KCTD8: variants seen among roughly 807,000 people sequenced by gnomAD.
The protein encoded by KCTD8 is potassium channel tetramerization domain containing 8, also known as BTB/POZ domain-containing protein KCTD8.
KCTD8 carries 27 observed loss-of-function variants against 31.5 expected under a neutral mutation model. That is an observed-to-expected ratio of 0.86 (90% CI 0.63 to 1.18). The LOEUF (loss-of-function observed/expected upper bound fraction) is 1.18. KCTD8 is among the 50% of genes most tolerant of loss of function. The pLI is 0.00. For missense variants in KCTD8, 658 were observed against 647.7 expected (o/e 1.02, Z -0.17); for synonymous variants, 290 against 280.0 (o/e 1.04, Z -0.36).
intron 1 of KCTD8, among the ~76,000 whole-genome samples, chr4:44,323,498 C>CAA (rs1718354858): frequency 1.1e-5 from 1 of 88,468 alleles, no homozygotes; most frequent in African/African-American, 3.7e-5. Flanking sequence ...CCATCCCCAC[C>CAA]CACCCCCCCC....
At chr4:44,315,488 G>A (rs998156384) in intron 1 of KCTD8, among the ~76,000 whole-genome samples, 11 of 152,064 alleles carry the variant, frequency 7.2e-5, no homozygotes, top group African/African-American at 2.7e-4. Context: ...GTAAGAACAA[G>A]CCATTGAAAA....
intron 1 of KCTD8, among the ~76,000 whole-genome samples, chr4:44,200,887 T>C (rs1027334719): frequency 5.4e-5 from 8 of 149,472 alleles, no homozygotes; most frequent in Non-Finnish European, 1.0e-4. Context: ...TTGCTGATGA[T>C]ATGATCTATA....
At chr4:44,260,407 GAAC>G (rs932182314) in intron 1 of KCTD8, among the ~76,000 whole-genome samples, 5 of 151,654 alleles carry the variant, frequency 3.3e-5, no homozygotes, top group Non-Finnish European at 5.9e-5. Flanking sequence ...AAAAAGTTGA[GAAC>G]AACAAAATAA....
At chr4:44,230,022 A>G (rs913955324) in intron 1 of KCTD8, among the ~76,000 whole-genome samples, 3 of 151,452 alleles carry the variant, frequency 2.0e-5, no homozygotes, top group Non-Finnish European at 4.4e-5. Context: ...CCCTGTGTCC[A>G]TGTGTTCTAA....
At chr4:44,379,162 A>G (rs1395979415) in intron 1 of KCTD8, among the ~76,000 whole-genome samples, 1 of 152,138 alleles carries the variant, frequency 6.6e-6, no homozygotes. Context: ...TTGCCATATG[A>G]AGTAACATAC....
At chr4:44,261,500 A>G in intron 1 of KCTD8, among the ~76,000 whole-genome samples, 1 of 151,978 alleles carries the variant, frequency 6.6e-6, no homozygotes, top group Non-Finnish European at 1.5e-5. Context: ...ATATAGTACT[A>G]CTAACTATAG....
At chr4:44,335,137 G>T (rs956260515) in intron 1 of KCTD8, among the ~76,000 whole-genome samples, 2 of 151,998 alleles carry the variant, frequency 1.3e-5, no homozygotes, top group African/African-American at 4.8e-5. Flanking sequence ...CAGATGTAAA[G>T]AATATTTAGA....
At chr4:44,302,727 T>A (rs1306684940) in intron 1 of KCTD8, among the ~76,000 whole-genome samples, 2 of 151,984 alleles carry the variant, frequency 1.3e-5, no homozygotes, top group Non-Finnish European at 2.9e-5. Context: ...TTCTGCCTAA[T>A]TGCCCTGGCC....
intron 1 of KCTD8, among the ~76,000 whole-genome samples, chr4:44,406,038 A>G (rs111630583): frequency 9.7e-4 from 148 of 152,250 alleles, no homozygotes; most frequent in African/African-American, 3.3e-3. Flanking sequence ...TAATAGAAAA[A>G]TGTAAAATGT....
intron 1 of KCTD8, among the ~76,000 whole-genome samples, chr4:44,207,135 G>A (rs1165152529): frequency 6.6e-6 from 1 of 152,082 alleles, no homozygotes; most frequent in Non-Finnish European, 1.5e-5. Context: ...CTCTCCATAC[G>A]TTGGATTCCT....
chr4:44,263,496 G>C (rs1379184561), intron 1 of KCTD8, among the ~76,000 whole-genome samples: 3 of 152,100 alleles, frequency 2.0e-5, no homozygotes, highest in African/African-American at 7.2e-5. Context: ...CACTGCATTT[G>C]TATTGTCTAC....
chr4:44,323,544 G>T (rs1250421375), intron 1 of KCTD8, among the ~76,000 whole-genome samples: 2 of 129,672 alleles, frequency 1.5e-5, no homozygotes, highest in East Asian at 4.5e-4. Flanking sequence ...ATAGTGTTCA[G>T]GGTAAATAGT....
At chr4:44,246,088 T>C (rs1416418592) in intron 1 of KCTD8, among the ~76,000 whole-genome samples, 1 of 152,076 alleles carries the variant, frequency 6.6e-6, no homozygotes, top group Admixed American at 6.5e-5. Flanking sequence ...GATTCCAATA[T>C]GTAAAGATGT....
chr4:44,340,447 C>T (rs35651653), intron 1 of KCTD8, among the ~76,000 whole-genome samples: 9,014 of 151,184 alleles, frequency 0.06, 429 homozygotes, highest in Admixed American at 0.15. Context: ...TACAGGTGCC[C>T]GCCACCATGC....
chr4:44,389,382 T>C (rs1720310874), intron 1 of KCTD8, among the ~76,000 whole-genome samples: 1 of 151,836 alleles, frequency 6.6e-6, no homozygotes, highest in African/African-American at 2.4e-5. Context: ...TCAAAATATC[T>C]TATGTACATC....
chr4:44,233,374 T>A (rs1159425753), intron 1 of KCTD8, among the ~76,000 whole-genome samples: 1 of 152,214 alleles, frequency 6.6e-6, no homozygotes, highest in Non-Finnish European at 1.5e-5. Context: ...TCTGTGAATC[T>A]AATAATCACA....
chr4:44,388,408 T>C (rs896105886), intron 1 of KCTD8, among the ~76,000 whole-genome samples: 3 of 151,954 alleles, frequency 2.0e-5, no homozygotes, highest in African/African-American at 7.2e-5. Flanking sequence ...TGCACACGTA[T>C]GTTCACTGCA....
chr4:44,282,571 A>G (rs1716931063), intron 1 of KCTD8, among the ~76,000 whole-genome samples: 1 of 152,136 alleles, frequency 6.6e-6, no homozygotes, highest in South Asian at 2.1e-4. Context: ...ATAAGAAAAC[A>G]TGTTGAAAGG....
chr4:44,386,089 A>G (rs1346469995), intron 1 of KCTD8, among the ~76,000 whole-genome samples: 1 of 151,638 alleles, frequency 6.6e-6, no homozygotes, highest in African/African-American at 2.4e-5. Context: ...ACTCTTGTGC[A>G]TTGTTGTTGG....
Sources: gnomAD v4.1 joint callset for allele counts (sites outside exome capture counted in the v4.1 genomes callset) on GRCh38, gnomAD v4.1.1 for gene constraint, MANE v1.5 for transcripts, NCBI Gene and HGNC (gene_info 2026-07-23, HGNC 2026-07-21) for gene names.